The following FBRSL1 variants were observed in gnomAD, a reference collection of about 807,000 sequenced individuals.
The protein encoded by FBRSL1 is fibrosin like 1.
Under a neutral mutation model 89.6 loss-of-function variants are expected in FBRSL1, and 51 were observed. That is an observed-to-expected ratio of 0.57 (90% CI 0.45 to 0.72). The LOEUF is 0.72. Among genes scored for constraint, FBRSL1 ranks in the 30% least tolerant of loss-of-function variants. FBRSL1 has a pLI of 0.00. For synonymous variants in FBRSL1, 779 were observed against 681.1 expected (o/e 1.14, Z -2.24); for missense variants, 1,618 against 1,451.8 (o/e 1.11, Z -1.86).
At position 132,583,247 on chromosome 12, in the gene FBRSL1, C is replaced by T; in HGVS notation, c.2478C>T (p.Pro826=). The T allele has an allele frequency of 7.4e-7, 1 of 1,356,198 alleles. No homozygotes were observed. The highest frequency in any genetic ancestry group is 9.5e-7 in the Non-Finnish European group (1 of 1,054,198). The allele number at this position is 1,356,198 out of a possible 1,614,324, so 84.0% of individuals were successfully genotyped here. Residue 826 remains proline (P), a synonymous_variant, in exon 19 of 19, where the codon CCC becomes CCT. Transcript: ENST00000680143. ...GCGGGGAGGACGAGGCCTCCGAGCCCCCGGCGGGCGGCCTGCACCCCGCGC... is the reference window on the plus strand; with the variant it reads ...GCGGGGAGGACGAGGCCTCCGAGCCTCCGGCGGGCGGCCTGCACCCCGCGC... ...EERGEDEASE[P]PAGGLHPAPL...
At chr12:132,503,577 C>G (rs1294655470) in intron 1 of FBRSL1, among the ~76,000 whole-genome samples, 1 of 152,194 alleles carries the variant, frequency 6.6e-6, no homozygotes, top group East Asian at 1.9e-4. Flanking sequence ...GTAATTAGAC[C>G]CAGTCCCCAC....
chr12:132,490,424 C>T lies in FBRSL1; in HGVS notation c.-147C>T, dbSNP rs1016394197. The stretch of plus-strand genomic sequence containing the variant: ...CGCCCCCCGCGCCCGGCATGCCCGG[C>T]CCGGCCCGCCGCCCGCCGCCGCCCA... On this transcript the variant is annotated 5_prime_UTR_variant, in exon 1 of 19. Transcript: ENST00000680143. 12 of 462,658 alleles carry T rather than the reference C, an allele frequency of 2.6e-5. No homozygotes were observed. The highest frequency in any genetic ancestry group is 3.1e-5 in the Non-Finnish European group (11 of 359,890). The allele number at this position is 462,658 out of a possible 1,614,324, so 28.7% of individuals were successfully genotyped here. A position where few individuals can be genotyped will look rare whatever the true frequency, so the allele number is the denominator to read the frequency against.
intron 11 of FBRSL1, among the ~76,000 whole-genome samples, chr12:132,573,682 G>A (rs1191105744): frequency 6.6e-6 from 1 of 152,128 alleles, no homozygotes; most frequent in Admixed American, 6.5e-5. Flanking sequence ...GCTGTGGTGT[G>A]ATGGCCGGTC....
rs2040699350 is a variant in FBRSL1 at position 132,580,882 on chromosome 12, C to CA, written c.1835-556dup. 16 of 984,700 alleles carry CA rather than the reference C, an allele frequency of 1.6e-5. No homozygotes were observed. In the South Asian group the frequency reaches 6.6e-4, roughly 41 times the overall value. 61.0% of individuals were successfully genotyped at this position (984,700 alleles called of 1,614,324 possible). A position where few individuals can be genotyped will look rare whatever the true frequency, so the allele number is the denominator to read the frequency against. The stretch of plus-strand genomic sequence containing the variant: ...AGCAGCCCCTCCCAGGGCCCGGGCC[C>CA]AGGCCCCACACGGTTGCTCTCCAAG... On this transcript the variant is annotated intron_variant, in intron 15 of 18. Coordinates refer to ENST00000680143, the MANE Select transcript of FBRSL1 (RefSeq NM_001367871.1).
In FBRSL1 at chr12:132,490,559, G is replaced by T. The variant is rs2136274336; in HGVS notation, c.-12G>T. 2 of 981,294 alleles carry T rather than the reference G, an allele frequency of 2.0e-6. No homozygotes were observed. Among genetic ancestry groups the T allele is most frequent in the East Asian group, 1.1e-4 (1 of 8,744 alleles). The allele number at this position is 981,294 out of a possible 1,614,324, so 60.8% of individuals were successfully genotyped here. A position where few individuals can be genotyped will look rare whatever the true frequency, so the allele number is the denominator to read the frequency against. Reference sequence around the variant, plus strand: ...GTCAAGGTCACCGGCCCGACGGGGCGCACGCGCGGCCATGGAGGCCAAGGT... The same window carrying T: ...GTCAAGGTCACCGGCCCGACGGGGCTCACGCGCGGCCATGGAGGCCAAGGT... On this transcript the variant is annotated 5_prime_UTR_variant, in exon 1 of 19. Coordinates refer to ENST00000680143, the MANE Select transcript of FBRSL1 (RefSeq NM_001367871.1).
At chr12:132,532,598 C>T (rs932160568) in intron 4 of FBRSL1, among the ~76,000 whole-genome samples, 1 of 152,216 alleles carries the variant, frequency 6.6e-6, no homozygotes, top group Admixed American at 6.5e-5. Flanking sequence ...GCCTCCCCTC[C>T]AGCCCATGTG....
rs1333799965 is a variant in FBRSL1, at chr12:132,569,215, G to GT, written c.692-710dup. ...AAAGGAGGGTTTGGGGTGTGCGGGG[G>GT]TGGGGGGGGCAGGCCCCAGGGGCTC... is the stretch of plus-strand genomic sequence containing the variant. On this transcript the variant is annotated intron_variant, in intron 6 of 18. Transcript: ENST00000680143. Among the ~76,000 whole-genome samples the GT allele has an allele frequency of 1.7e-4, 24 of 144,872 alleles. No individual in the cohort carries two copies. The South Asian group carries it at 4.0e-3, about 24-fold the overall frequency.
At chr12:132,501,368 C>T (rs1433832304) in intron 1 of FBRSL1, among the ~76,000 whole-genome samples, 2 of 152,212 alleles carry the variant, frequency 1.3e-5, no homozygotes, top group Non-Finnish European at 2.9e-5. Flanking sequence ...GGGCCCGGGC[C>T]GCCCTCCCCA....
intron 2 of FBRSL1, among the ~76,000 whole-genome samples, chr12:132,519,646 C>A (rs750805591): frequency 6.6e-6 from 1 of 152,208 alleles, no homozygotes; most frequent in African/African-American, 2.4e-5. Context: ...CGCGGTGGCT[C>A]ACGCCTGTAA....
At chr12:132,552,810 C>T (rs1275593870) in intron 5 of FBRSL1, 2 of 165,030 alleles carry the variant, frequency 1.2e-5, no homozygotes, top group Non-Finnish European at 2.6e-5. Context: ...CTGCCGTGGA[C>T]ACTCACCCCG....
intron 1 of FBRSL1, among the ~76,000 whole-genome samples, chr12:132,502,244 G>T (rs943817932): frequency 4.6e-5 from 7 of 152,198 alleles, no homozygotes; most frequent in Non-Finnish European, 8.8e-5. Flanking sequence ...GGCCCTTCTA[G>T]AATCCTTGGC....
chr12:132,583,652 G>T lies in FBRSL1; in HGVS notation c.2883G>T (p.Thr961=), dbSNP rs7966712. ...AALGAPPPLV[T]AAGPPTPPGP... Reference sequence around the variant, plus strand: ...TCGGCGCACCGCCCCCCCTGGTGACGGCGGCCGGGCCCCCCACGCCCCCCG... The same window carrying T: ...TCGGCGCACCGCCCCCCCTGGTGACTGCGGCCGGGCCCCCCACGCCCCCCG... The change falls in exon 19 of 19, where the codon ACG becomes ACT. Residue 961 remains threonine, a synonymous_variant. Transcript: ENST00000680143. 1.9e-5 allele frequency: 20 copies of T among 1,030,354 alleles called. No individual in the cohort carries two copies. The highest frequency in any genetic ancestry group is 2.2e-5 in the Non-Finnish European group (19 of 859,046). 63.8% of individuals were successfully genotyped at this position (1,030,354 alleles called of 1,614,324 possible).
intron 2 of FBRSL1, among the ~76,000 whole-genome samples, chr12:132,512,145 A>C (rs2034414093): frequency 6.6e-6 from 1 of 152,114 alleles, no homozygotes. Context: ...TGTGCTCAGC[A>C]TGGGGGCACC....
At chr12:132,547,733 C>G (rs1393526626) in intron 4 of FBRSL1, among the ~76,000 whole-genome samples, 1 of 152,218 alleles carries the variant, frequency 6.6e-6, no homozygotes, top group Non-Finnish European at 1.5e-5. Context: ...CAGGGCCAGT[C>G]TTGTCCCCAT....
chr12:132,525,157 G>A (rs534353090), intron 2 of FBRSL1, among the ~76,000 whole-genome samples: 1 of 152,352 alleles, frequency 6.6e-6, no homozygotes, highest in East Asian at 1.9e-4. Context: ...TGGCCCAAGG[G>A]CCCATGGCCA....
intron 5 of FBRSL1, among the ~76,000 whole-genome samples, chr12:132,562,952 A>G (rs1257843502): frequency 6.6e-6 from 1 of 151,918 alleles, no homozygotes; most frequent in Non-Finnish European, 1.5e-5. Flanking sequence ...TAAGAGGTGA[A>G]ACAGGAGCTT....
At chr12:132,514,702 AC>A (rs1218780157) in intron 2 of FBRSL1, among the ~76,000 whole-genome samples, 2 of 152,068 alleles carry the variant, frequency 1.3e-5, no homozygotes, top group African/African-American at 4.8e-5. Context: ...TCCCTGGTGT[AC>A]CCTGGGACCT....
At chr12:132,513,078 G>C (rs1178791565) in intron 2 of FBRSL1, among the ~76,000 whole-genome samples, 1 of 152,250 alleles carries the variant, frequency 6.6e-6, no homozygotes, top group East Asian at 1.9e-4. Context: ...TGCAGATTTC[G>C]TGTGGCCAGA....
rs1485802417 is a variant in FBRSL1 at position 132,583,694 on chromosome 12, G to T, written c.2925G>T (p.Arg975=). The T allele has an allele frequency of 3.0e-5, 35 of 1,180,250 alleles. No homozygotes were observed. The highest frequency in any genetic ancestry group is 3.7e-5 in the Non-Finnish European group (35 of 954,952). 73.1% of individuals were successfully genotyped at this position (1,180,250 alleles called of 1,614,324 possible). A position where few individuals can be genotyped will look rare whatever the true frequency, so the allele number is the denominator to read the frequency against. Residue 975 remains arginine, a synonymous_variant, in exon 19 of 19, where the codon CGG becomes CGT. Coordinates refer to ENST00000680143, the MANE Select transcript of FBRSL1 (RefSeq NM_001367871.1). ...CGCCCCCCGGGCCGCCGCGGAGCCG[G>T]ACTACTCCGCTGGGGGGCCTCGGGC... ...PPTPPGPPRS[R]TTPLGGLGPG...
Sources: gnomAD v4.1 joint callset for allele counts (sites outside exome capture counted in the v4.1 genomes callset) on GRCh38, gnomAD v4.1.1 for gene constraint, MANE v1.5 for transcripts, NCBI Gene and HGNC (gene_info 2026-07-23, HGNC 2026-07-21) for gene names.